DNAJC9: variants seen among roughly 807,000 people sequenced by gnomAD.
The protein encoded by DNAJC9 is DnaJ heat shock protein family (Hsp40) member C9, also known as dnaJ homolog subfamily C member 9.
A neutral mutation model predicts 32.4 loss-of-function variants in DNAJC9; 18 were observed. That is an observed-to-expected ratio of 0.56 (90% confidence interval 0.38 to 0.82). The LOEUF (loss-of-function observed/expected upper bound fraction) is 0.82, where lower values mean the gene tolerates loss of function less well. Among genes scored for constraint, DNAJC9 ranks in the 40% least tolerant of loss-of-function variants. The pLI is 0.00. For missense variants in DNAJC9, 310 were observed against 321.8 expected, an observed-to-expected ratio of 0.96 and a Z score of 0.28; for synonymous variants, 113 against 122.1, an observed-to-expected ratio of 0.93 and a Z score of 0.49.
At chr10:73,235,056 C>T (rs895264775), downstream of DNAJC9, 15 of 1,461,132 alleles carry the variant, frequency 1.0e-5, no homozygotes, top group Non-Finnish European at 1.4e-5. Flanking sequence ...AAAGTACAAA[C>T]ACAGTGCTAA....
chr10:73,234,698 C>A, downstream of DNAJC9: 1 of 1,090,506 alleles, frequency 9.2e-7, no homozygotes, highest in Non-Finnish European at 1.3e-6. Flanking sequence ...CATAGGTAGC[C>A]TAAAGCTTTC....
At chr10:73,233,138 G>A in intron 2 of DNAJC9, 1 of 1,551,686 alleles carries the variant, frequency 6.4e-7, no homozygotes, top group Non-Finnish European at 8.7e-7. Flanking sequence ...AAGATCTGTG[G>A]AAGAAATCCT....
At chr10:73,234,766 T>C, downstream of DNAJC9, 2 of 1,538,330 alleles carry the variant, frequency 1.3e-6, no homozygotes, top group South Asian at 2.4e-5. Context: ...TTGCTGGTAT[T>C]GTTATAACTT....
downstream of DNAJC9, chr10:73,235,074 C>A (rs1013161764): frequency 2.1e-6 from 3 of 1,443,416 alleles, no homozygotes; most frequent in African/African-American, 2.8e-5. Context: ...TAATTTATGA[C>A]GTGGAATTGG....
In DNAJC9 at chr10:73,246,194, T is replaced by A; in HGVS notation, c.322-18A>T. 3 of 1,586,142 alleles carry A rather than the reference T, an allele frequency of 1.9e-6. No homozygotes were observed. The highest frequency in any genetic ancestry group is 2.6e-6 in the Non-Finnish European group (3 of 1,173,636). On this transcript the variant is annotated intron_variant, in intron 2 of 4. Coordinates refer to ENST00000372950, the MANE Select transcript of DNAJC9 (RefSeq NM_015190.5). Reference sequence around the variant, plus strand: ...AAAGATATCTGATGATAAAGGAGATTTGCTTTAACTTTGGGAATTTTACTT... The same window carrying A: ...AAAGATATCTGATGATAAAGGAGATATGCTTTAACTTTGGGAATTTTACTT...
At chr10:73,240,917 TAC>T, downstream of DNAJC9, 1 of 1,324,530 alleles carries the variant, frequency 7.5e-7, no homozygotes, top group Non-Finnish European at 1.1e-6. Flanking sequence ...CTAGACTGTC[TAC>T]TAATGTTACT....
downstream of DNAJC9, chr10:73,234,816 GCCCAGTGGCA>G: frequency 6.4e-7 from 1 of 1,551,384 alleles, no homozygotes; most frequent in Non-Finnish European, 8.7e-7. Flanking sequence ...GGGATCTGCA[GCCCAGTGGCA>G]CCCGACTCGC....
At chr10:73,240,484 G>A (rs555743353), downstream of DNAJC9, among the ~76,000 whole-genome samples, 107 of 152,252 alleles carry the variant, frequency 7.0e-4, no homozygotes, top group Non-Finnish European at 1.1e-3. Context: ...AGGCCAAGGC[G>A]GGCGGATCAC....
At chr10:73,236,725 C>CTT (rs112151486), downstream of DNAJC9, among the ~76,000 whole-genome samples, 106 of 135,804 alleles carry the variant, frequency 7.8e-4, no homozygotes, top group African/African-American at 2.0e-3. Context: ...TTTTTCTTTT[C>CTT]TTTTTTTTTT....
downstream of DNAJC9, among the ~76,000 whole-genome samples, chr10:73,236,493 A>G (rs1012002657): frequency 2.7e-5 from 4 of 149,118 alleles, no homozygotes; most frequent in African/African-American, 9.9e-5. Flanking sequence ...AGCTCACTGC[A>G]ACCTCTGCCT....
chr10:73,233,145 TCCTCAGAGGA>T, intron 2 of DNAJC9: 2 of 1,551,450 alleles, frequency 1.3e-6, no homozygotes. Flanking sequence ...GTGGAAGAAA[TCCTCAGAGGA>T]GCCCGAGTGT....
chr10:73,236,749 G>T (rs1386827430), downstream of DNAJC9, among the ~76,000 whole-genome samples: 1 of 148,140 alleles, frequency 6.8e-6, no homozygotes, highest in Non-Finnish European at 1.5e-5. Context: ...TTAAGACAGG[G>T]TCTCACTCTG....
chr10:73,243,219 T>C lies in DNAJC9; in HGVS notation c.*181A>G. On this transcript the variant is annotated 3_prime_UTR_variant, in exon 5 of 5. Coordinates refer to ENST00000372950, the MANE Select transcript of DNAJC9 (RefSeq NM_015190.5). ...TGAGACCTCACACAATGTCAAGTGC[T>C]TTCTAGGAAATACTAAGATCAGGTT... is the stretch of plus-strand genomic sequence containing the variant. 1.6e-6 allele frequency: 1 copy of C among 641,136 alleles called. No individual in the cohort carries two copies. Among genetic ancestry groups the C allele is most frequent in the Non-Finnish European group, 2.6e-6 (1 of 379,416 alleles). The allele number at this position is 641,136 out of a possible 1,614,324, so 39.7% of individuals were successfully genotyped here.
chr10:73,241,648 C>T (rs1195263202), downstream of DNAJC9: 1 of 152,416 alleles, frequency 6.6e-6, no homozygotes, highest in Non-Finnish European at 1.5e-5. Flanking sequence ...ACAGCTCAAC[C>T]TTACGATGCC....
chr10:73,239,021 G>A (rs565313309), downstream of DNAJC9: 51 of 274,722 alleles, frequency 1.9e-4, no homozygotes, highest in East Asian at 3.5e-3. Context: ...AACCCCCTTA[G>A]AACTAACTGA....
At chr10:73,246,284 T>G in intron 2 of DNAJC9, 108 bp from the exon 3 acceptor site, 2 of 1,241,168 alleles carry the variant, frequency 1.6e-6, no homozygotes, top group Non-Finnish European at 2.2e-6. Flanking sequence ...AACAGTTGCT[T>G]GAGTTGAAAT....
downstream of DNAJC9, among the ~76,000 whole-genome samples, chr10:73,238,538 A>G (rs59385225): frequency 1.4e-4 from 21 of 152,342 alleles, no homozygotes; most frequent in East Asian, 3.3e-3. Context: ...TGTGCTATCT[A>G]TGGCTGCCTT....
In DNAJC9 at chr10:73,242,299, CAT is replaced by C. The variant is rs924537567; in HGVS notation, c.*1099_*1100del. ...GATTTAAACAGTCCCTTAAAAATTC[CAT>C]ATATTCTCATACCAACTCATCTACA... On this transcript the variant is annotated 3_prime_UTR_variant, in exon 5 of 5. Coordinates refer to ENST00000372950, the MANE Select transcript of DNAJC9 (RefSeq NM_015190.5). 9 of 152,086 alleles carry C rather than the reference CAT, an allele frequency of 5.9e-5. No homozygotes were observed. Among genetic ancestry groups the C allele is most frequent in the Non-Finnish European group, 1.2e-4 (8 of 68,020 alleles). 9.4% of individuals were successfully genotyped at this position (152,086 alleles called of 1,614,324 possible).
At chr10:73,246,477 AT>A (rs780937002) in intron 2 of DNAJC9, among the ~76,000 whole-genome samples, 33 of 152,346 alleles carry the variant, frequency 2.2e-4, no homozygotes, top group Non-Finnish European at 3.2e-4. Flanking sequence ...GGCAAAAAAA[AT>A]AAATCGGCCC....
Sources: allele counts gnomAD v4.1 joint callset (sites outside exome capture counted in the v4.1 genomes callset), GRCh38; gene constraint gnomAD v4.1.1; transcripts MANE v1.5; gene names NCBI Gene and HGNC (gene_info 2026-07-23, HGNC 2026-07-21).